The following TXK variants were observed in gnomAD, a reference collection of about 807,000 sequenced individuals.
The protein encoded by TXK is TXK tyrosine kinase.
In TXK, 60 loss-of-function variants were observed where a neutral mutation model predicts 81.0. The ratio of observed to expected loss-of-function variants is 0.74; its 90% CI spans 0.60 to 0.92. The LOEUF is 0.92. Ranked by LOEUF, TXK falls within the 40% of genes least tolerant of loss-of-function variation. The pLI is 0.00. For synonymous variants in TXK, 203 were observed against 210.7 expected (o/e 0.96, Z 0.32); for missense variants, 581 against 638.3 (o/e 0.91, Z 0.97).
At chr4:48,070,034 G>A (rs1716775569) in intron 14 of TXK, among the ~76,000 whole-genome samples, 1 of 152,174 alleles carries the variant, frequency 6.6e-6, no homozygotes, top group Non-Finnish European at 1.5e-5. Flanking sequence ...CTCTATAAAT[G>A]TAATGCTTTT....
intron 6 of TXK, among the ~76,000 whole-genome samples, chr4:48,097,715 C>T (rs1330088654): frequency 1.4e-5 from 2 of 147,690 alleles, no homozygotes; most frequent in African/African-American, 5.0e-5. Context: ...GGATTACAGG[C>T]GTGAGCCACT....
intron 3 of TXK, 70 bp from the exon 4 acceptor site, chr4:48,112,582 A>C: frequency 6.8e-7 from 1 of 1,469,318 alleles, no homozygotes; most frequent in South Asian, 1.4e-5. Context: ...ATAGGGACAA[A>C]GCATATTTGC....
At chr4:48,121,125 T>C (rs1718948300) in intron 1 of TXK, among the ~76,000 whole-genome samples, 1 of 152,180 alleles carries the variant, frequency 6.6e-6, no homozygotes, top group South Asian at 2.1e-4. Flanking sequence ...GATTATCCCA[T>C]TCCCTCCTGC....
chr4:48,112,408 A>G lies in TXK; in HGVS notation c.279T>C (p.Phe93=). 6.2e-7 allele frequency: 1 copy of G among 1,614,196 alleles called. No homozygotes were observed. Among genetic ancestry groups the G allele is most frequent in the Non-Finnish European group, 8.5e-7 (1 of 1,180,022 alleles). ...EKIQVKALYD[F]LPREPCNLAL... Reference sequence around the variant, plus strand: ...CTAAATTACAGGGTTCTCTGGGCAGAAAATCATAAAGTGCCTTGACTTGGA... The same window carrying G: ...CTAAATTACAGGGTTCTCTGGGCAGGAAATCATAAAGTGCCTTGACTTGGA... The change falls in exon 4 of 15, where the codon TTT becomes TTC. Residue 93 remains phenylalanine, a synonymous_variant. Coordinates refer to ENST00000264316, the MANE Select transcript of TXK (RefSeq NM_003328.3).
At position 48,066,406 on chromosome 4, in the gene TXK, T is replaced by C. The variant is rs1343174238; in HGVS notation, c.*1231A>G. ...TCTTGTAACTGATTCTCATTAGAAA[T>C]AATACACATTTATTGAATGTCATTG... On this transcript the variant is annotated 3_prime_UTR_variant, in exon 15 of 15. Transcript: ENST00000264316. 6.6e-6 allele frequency: 1 copy of C among 152,198 alleles called. No individual in the cohort carries two copies. Among genetic ancestry groups the C allele is most frequent in the South Asian group, 2.1e-4 (1 of 4,830 alleles). The allele number at this position is 152,198 out of a possible 1,614,324, so 9.4% of individuals were successfully genotyped here.
chr4:48,106,360 T>C (rs1021979090), intron 5 of TXK, among the ~76,000 whole-genome samples: 4 of 151,222 alleles, frequency 2.6e-5, no homozygotes, highest in Non-Finnish European at 4.4e-5. Flanking sequence ...ATTTCATCTA[T>C]TTAAATCAGA....
chr4:48,116,718 C>T (rs1252568397), intron 1 of TXK, among the ~76,000 whole-genome samples: 6 of 152,196 alleles, frequency 3.9e-5, no homozygotes, highest in African/African-American at 1.4e-4. Flanking sequence ...ACTGTCCTCC[C>T]TCCCTCCTTG....
At chr4:48,082,216 C>A (rs1231205637) in intron 10 of TXK, among the ~76,000 whole-genome samples, 19 of 152,172 alleles carry the variant, frequency 1.2e-4, no homozygotes, top group Non-Finnish European at 2.8e-4. Flanking sequence ...ATGGACTCTT[C>A]CTCTTAGCCA....
At chr4:48,128,483 T>A (rs2109487970) in intron 1 of TXK, among the ~76,000 whole-genome samples, 1 of 152,042 alleles carries the variant, frequency 6.6e-6, no homozygotes, top group East Asian at 1.9e-4. Context: ...CAACATATCC[T>A]TTTTGTTTTT....
intron 1 of TXK, among the ~76,000 whole-genome samples, chr4:48,125,770 G>C (rs1439842416): frequency 6.6e-6 from 1 of 152,230 alleles, no homozygotes; most frequent in African/African-American, 2.4e-5. Context: ...TCAGGCAGTT[G>C]TGGAAACTGG....
rs1010317631 is a variant in TXK at position 48,110,542 on chromosome 4, A to G, written c.442T>C (p.Tyr148His). Reference protein sequence around the residue: ...TENKITNLEIYEWYHRNITRN... With the variant: ...TENKITNLEIHEWYHRNITRN... ...TATATTTTGGAGAAGACTTACTCAT[A>G]TATTTCTAAATTAGTTATTTTGTTT... is the stretch of plus-strand genomic sequence containing the variant. Residue 148 changes from tyrosine to histidine, a missense_variant, in exon 5 of 15, where the codon TAT becomes CAT. Coordinates refer to ENST00000264316, the MANE Select transcript of TXK (RefSeq NM_003328.3). 12 of 1,604,652 alleles carry G rather than the reference A, an allele frequency of 7.5e-6. No individual in the cohort carries two copies. In the Admixed American group the frequency reaches 1.5e-4, roughly 20 times the overall value.
rs1247993548 is a variant in TXK at position 48,114,344 on chromosome 4, T to C, written c.71+4A>G. The C allele has an allele frequency of 1.2e-6, 2 of 1,613,868 alleles. No individual in the cohort carries two copies. The highest frequency in any genetic ancestry group is 2.7e-5 in the African/African-American group (2 of 74,926). On this transcript the variant is annotated splice_donor_region_variant and intron_variant, in intron 2 of 14. Transcript: ENST00000264316. ...CAAGAAATTGCCCTCGGAAGTAGAC[T>C]TACCGCTTCTGCACTGAACAGCAAC...
chr4:48,107,570 C>T (rs1158707247), intron 5 of TXK, among the ~76,000 whole-genome samples: 3 of 151,778 alleles, frequency 2.0e-5, no homozygotes, highest in Non-Finnish European at 2.9e-5. Context: ...TTTTAAGTTC[C>T]GGGGTACATG....
chr4:48,109,138 G>A (rs1718551106), intron 5 of TXK, among the ~76,000 whole-genome samples: 1 of 151,300 alleles, frequency 6.6e-6, no homozygotes, highest in African/African-American at 2.4e-5. Flanking sequence ...ATAGCAGTGA[G>A]ACCTCATGAG....
chr4:48,094,368 T>A (rs1025231813), intron 7 of TXK, among the ~76,000 whole-genome samples, 164 bp from the exon 8 acceptor site: 1 of 152,162 alleles, frequency 6.6e-6, no homozygotes, highest in African/African-American at 2.4e-5. Flanking sequence ...CCAAGAAAAT[T>A]CCTCAACTAC....
intron 1 of TXK, among the ~76,000 whole-genome samples, chr4:48,129,263 A>C (rs936349911): frequency 3.0e-4 from 45 of 152,192 alleles, no homozygotes; most frequent in African/African-American, 1.0e-3. Flanking sequence ...CTAAGAAGTG[A>C]TGGTCTCCAG....
At chr4:48,074,231 A>G (rs2279965) in intron 12 of TXK, among the ~76,000 whole-genome samples, 178 bp from the exon 13 acceptor site, 39,276 of 152,062 alleles carry the variant, frequency 0.26, 5,158 homozygotes, top group Middle Eastern at 0.33. Flanking sequence ...CTCCCCAAAC[A>G]AAGTCTCAAT....
intron 14 of TXK, 119 bp downstream of exon 14, chr4:48,071,398 A>G (rs1716847772): frequency 3.0e-6 from 3 of 1,004,120 alleles, no homozygotes; most frequent in South Asian, 3.3e-5. Flanking sequence ...CAGGATCATG[A>G]CCAAGACACA....
chr4:48,071,284 A>G lies in TXK; in HGVS notation c.1515+233T>C, dbSNP rs182253573. On this transcript the variant is annotated intron_variant, in intron 14 of 14. Transcript: ENST00000264316. ...TTCTGCAAGAACCAATCTCAAACAG[A>G]TAAGACTCAGAAAATGCACTGAATT... 8.5e-4 allele frequency among the ~76,000 whole-genome samples: 129 copies of G among 152,306 alleles called. No individual in the cohort carries two copies. In the East Asian group the frequency reaches 0.018, roughly 21 times the overall value.
Sources: allele counts gnomAD v4.1 joint callset (sites outside exome capture counted in the v4.1 genomes callset), GRCh38; gene constraint gnomAD v4.1.1; transcripts MANE v1.5; gene names NCBI Gene and HGNC (gene_info 2026-07-23, HGNC 2026-07-21).